CACNA1E: variants seen among roughly 807,000 people sequenced by gnomAD.
The protein encoded by CACNA1E is calcium voltage-gated channel subunit alpha1 E, also known as voltage-dependent R-type calcium channel subunit alpha-1E.
Under a neutral mutation model 259.2 loss-of-function variants are expected in CACNA1E, and 40 were observed. The observed-to-expected ratio is 0.15, with a 90% CI of 0.12 to 0.20. The LOEUF (loss-of-function observed/expected upper bound fraction) is 0.20. CACNA1E is among the 10% of genes least tolerant of loss of function. The pLI, the probability that CACNA1E is intolerant of heterozygous loss-of-function variation, is 1.00. For synonymous variants in CACNA1E, 1,104 were observed against 1,138.5 expected (o/e 0.97, Z 0.61); for missense variants, 1,874 against 3,040.1 (o/e 0.62, Z 9.02).
chr1:181,430,985 C>CA (rs1659676089), intron 2 of CACNA1E, among the ~76,000 whole-genome samples: 1 of 152,134 alleles, frequency 6.6e-6, no homozygotes, highest in South Asian at 2.1e-4. Context: ...GAAACACACA[C>CA]ACATGCATAA....
intron 16 of CACNA1E, among the ~76,000 whole-genome samples, chr1:181,722,929 C>T (rs917015288): frequency 2.0e-5 from 3 of 152,112 alleles, no homozygotes; most frequent in African/African-American, 7.2e-5. Context: ...CTCCATGTGT[C>T]CCAATGGCAC....
At chr1:181,576,104 A>G (rs1246637036) in intron 3 of CACNA1E, among the ~76,000 whole-genome samples, 1 of 152,206 alleles carries the variant, frequency 6.6e-6, no homozygotes, top group Non-Finnish European at 1.5e-5. Context: ...TGACGACGGC[A>G]TGGAAGTGTG....
intron 6 of CACNA1E, among the ~76,000 whole-genome samples, chr1:181,639,387 C>T (rs534619812): frequency 3.3e-4 from 51 of 152,302 alleles, no homozygotes; most frequent in African/African-American, 1.2e-3. Context: ...CACGCCCAGC[C>T]GAGTAGATGC....
At chr1:181,712,917 A>G (rs1382365833) in intron 8 of CACNA1E, among the ~76,000 whole-genome samples, 1 of 152,088 alleles carries the variant, frequency 6.6e-6, no homozygotes, top group Non-Finnish European at 1.5e-5. Flanking sequence ...CTGCTTTTCA[A>G]ATACTTGCAG....
chr1:181,323,969 G>A (rs1350023845), intron 1 of CACNA1E, among the ~76,000 whole-genome samples: 1 of 152,228 alleles, frequency 6.6e-6, no homozygotes, highest in Non-Finnish European at 1.5e-5. Context: ...CATGATGACT[G>A]GAGAGGAAGG....
At chr1:181,376,342 G>A (rs569981531) in intron 1 of CACNA1E, among the ~76,000 whole-genome samples, 4 of 152,288 alleles carry the variant, frequency 2.6e-5, no homozygotes, top group African/African-American at 4.8e-5. Context: ...CCTTTCTGGC[G>A]CAGAGGCAAG....
At chr1:181,720,890 T>TG in intron 15 of CACNA1E, 35 bp downstream of exon 15, 1 of 1,356,216 alleles carries the variant, frequency 7.4e-7, no homozygotes, top group Non-Finnish European at 1.1e-6. Context: ...AAGTGCTGCA[T>TG]GGGGTCCCTT....
chr1:181,751,731 T>C lies in CACNA1E; in HGVS notation c.3732-412T>C, dbSNP rs565201511. 3.9e-5 allele frequency among the ~76,000 whole-genome samples: 6 copies of C among 152,324 alleles called. No homozygotes were observed. The South Asian group carries it at 1.2e-3, about 32-fold the overall frequency. ...AGCACTGGATTAGGCACAGTAGGGA[T>C]CTGAAGTGGGCTACTGCTCACGTTC... On this transcript the variant is annotated intron_variant, in intron 26 of 47. Coordinates refer to ENST00000367573, the MANE Select transcript of CACNA1E (RefSeq NM_001205293.3).
At position 181,468,303 on chromosome 1, in the gene CACNA1E, C is replaced by T. The variant is rs151157180; in HGVS notation, c.435-15441C>T. ...CATTGGTCTTGTCATGTTAGGTTTG[C>T]GAGTTGCACTTGCACCTGTGAAGGG... On this transcript the variant is annotated intron_variant, in intron 2 of 11. Transcript: ENST00000524607. Among the ~76,000 whole-genome samples, 26 of 152,274 alleles carry T rather than the reference C, an allele frequency of 1.7e-4. No homozygotes were observed. In the East Asian group the frequency reaches 4.4e-3, roughly 26 times the overall value.
In CACNA1E at chr1:181,514,977, C is replaced by T. The variant is rs752401342; in HGVS notation, c.512+3467C>T. 5.3e-5 allele frequency among the ~76,000 whole-genome samples: 8 copies of T among 152,168 alleles called. No individual in the cohort carries two copies. In the East Asian group the frequency reaches 7.7e-4, roughly 15 times the overall value. ...AGCCTCATTTTACAGATGAAGAAAC[C>T]GAGGATCAGAGAGGGCACATGAATT... On this transcript the variant is annotated intron_variant, in intron 3 of 47. Transcript: ENST00000367573.
intron 39 of CACNA1E, among the ~76,000 whole-genome samples, chr1:181,783,400 G>A (rs576216171): frequency 6.6e-6 from 1 of 152,198 alleles, no homozygotes; most frequent in Non-Finnish European, 1.5e-5. Flanking sequence ...CCAAGGGGGG[G>A]CCTTACTGAA....
chr1:181,703,252 T>C (rs1652454289), intron 7 of CACNA1E, among the ~76,000 whole-genome samples: 2 of 152,254 alleles, frequency 1.3e-5, no homozygotes, highest in Admixed American at 1.3e-4. Context: ...GTCAGTAATA[T>C]AACAGCTACT....
chr1:181,806,219 T>C lies in CACNA1E; in HGVS notation c.*7385T>C, dbSNP rs1662613848. 6.6e-6 allele frequency: 1 copy of C among 152,180 alleles called. No homozygotes were observed. Among genetic ancestry groups the C allele is most frequent in the African/African-American group, 2.4e-5 (1 of 41,402 alleles). 9.4% of individuals were successfully genotyped at this position (152,180 alleles called of 1,614,324 possible). ...TAACTTCCTAGTGGTGAGAATACCA[T>C]GGGATGGGAGAAGGGCCAGTGAGTG... On this transcript the variant is annotated 3_prime_UTR_variant, in exon 48 of 48. Transcript: ENST00000367573.
At chr1:181,498,530 C>A (rs560738639) in intron 1 of CACNA1E, among the ~76,000 whole-genome samples, 1 of 152,128 alleles carries the variant, frequency 6.6e-6, no homozygotes, top group African/African-American at 2.4e-5. Context: ...AGTAATTTCA[C>A]CAAAAATGGC....
In CACNA1E at chr1:181,444,443, A is replaced by C. The variant is rs556857682; in HGVS notation, c.434+30863A>C. Among the ~76,000 whole-genome samples, 19 of 152,262 alleles carry C rather than the reference A, an allele frequency of 1.2e-4. No individual in the cohort carries two copies. The South Asian group carries it at 3.9e-3, about 32-fold the overall frequency. ...GCTATGGGGGGAAAGGGAGGAGGGA[A>C]TTGACAGGGGACATTAAAATTTGAA... On this transcript the variant is annotated intron_variant, in intron 2 of 11. Transcript: ENST00000524607.
At chr1:181,535,780 C>T (rs760472540) in intron 3 of CACNA1E, among the ~76,000 whole-genome samples, 2 of 151,946 alleles carry the variant, frequency 1.3e-5, no homozygotes, top group Non-Finnish European at 1.5e-5. Flanking sequence ...CTCTGCCTCC[C>T]GGGTTCCAGC....
chr1:181,712,524 T>C (rs1653473764), intron 8 of CACNA1E, among the ~76,000 whole-genome samples: 1 of 152,200 alleles, frequency 6.6e-6, no homozygotes, highest in Non-Finnish European at 1.5e-5. Context: ...TGCAGTCAAC[T>C]TTTGGTGACC....
chr1:181,674,720 G>A (rs1649197244), intron 7 of CACNA1E, among the ~76,000 whole-genome samples: 1 of 152,140 alleles, frequency 6.6e-6, no homozygotes, highest in South Asian at 2.1e-4. Context: ...CCACAGGCTT[G>A]ACCTGACCAT....
At chr1:181,669,505 T>C (rs1393605627) in intron 7 of CACNA1E, among the ~76,000 whole-genome samples, 2 of 152,348 alleles carry the variant, frequency 1.3e-5, no homozygotes, top group South Asian at 2.1e-4. Flanking sequence ...TGGGTTCCCA[T>C]TGCACTATAT....
Sources: allele counts gnomAD v4.1 joint callset (sites outside exome capture counted in the v4.1 genomes callset), GRCh38; gene constraint gnomAD v4.1.1; transcripts MANE v1.5; gene names NCBI Gene and HGNC (gene_info 2026-07-23, HGNC 2026-07-21).